RALYL: variants seen among roughly 807,000 people sequenced by gnomAD.
The protein encoded by RALYL is RALY RNA binding protein like.
RALYL carries 29 observed loss-of-function variants against 35.1 expected under a neutral mutation model. The observed-to-expected ratio is 0.83, with a 90% CI of 0.61 to 1.13. The LOEUF is 1.13. Among genes scored for constraint, RALYL ranks in the 50% most tolerant of loss-of-function variants. RALYL has a pLI of 0.00. For synonymous variants in RALYL, 120 were observed against 127.6 expected, an observed-to-expected ratio of 0.94 and a Z score of 0.40; for missense variants, 359 against 360.4, an observed-to-expected ratio of 1.00 and a Z score of 0.03.
At chr8:84,569,329 C>G (rs1305903956) in intron 2 of RALYL, among the ~76,000 whole-genome samples, 4 of 151,808 alleles carry the variant, frequency 2.6e-5, no homozygotes, top group Admixed American at 6.6e-5. Flanking sequence ...TCTTGTTTTT[C>G]TCAGGTTTGT....
chr8:84,495,156 A>C (rs1047990241), intron 1 of RALYL, among the ~76,000 whole-genome samples: 1 of 152,108 alleles, frequency 6.6e-6, no homozygotes, highest in African/African-American at 2.4e-5. Flanking sequence ...TGAGATAATC[A>C]TGTGGTTTTT....
intron 1 of RALYL, among the ~76,000 whole-genome samples, chr8:84,260,286 A>C (rs1832009366): frequency 6.6e-6 from 1 of 152,300 alleles, no homozygotes; most frequent in South Asian, 2.1e-4. Flanking sequence ...TTAGTGGCTT[A>C]ACACACTGGC....
chr8:84,211,083 TA>T (rs1240845781), intron 1 of RALYL, among the ~76,000 whole-genome samples: 5 of 152,138 alleles, frequency 3.3e-5, no homozygotes, highest in African/African-American at 9.6e-5. Context: ...TCACTGTCTT[TA>T]TATAATCCCT....
chr8:84,321,718 C>A (rs1844847909), intron 1 of RALYL, among the ~76,000 whole-genome samples: 1 of 152,088 alleles, frequency 6.6e-6, no homozygotes, highest in Non-Finnish European at 1.5e-5. Context: ...GAGATTTAAC[C>A]ATAAGGTAGT....
At chr8:84,384,892 AT>A (rs1858848046) in intron 1 of RALYL, among the ~76,000 whole-genome samples, 1 of 151,788 alleles carries the variant, frequency 6.6e-6, no homozygotes, top group African/African-American at 2.4e-5. Flanking sequence ...AGTTCTAGTT[AT>A]TTTTAAGGCT....
intron 1 of RALYL, among the ~76,000 whole-genome samples, chr8:84,293,057 T>A (rs1390312960): frequency 6.6e-6 from 1 of 152,138 alleles, no homozygotes; most frequent in Non-Finnish European, 1.5e-5. Context: ...AGTATTACAT[T>A]TGAATATGTA....
intron 1 of RALYL, among the ~76,000 whole-genome samples, chr8:84,498,752 A>T (rs1048271337): frequency 6.6e-6 from 1 of 152,204 alleles, no homozygotes; most frequent in Non-Finnish European, 1.5e-5. Flanking sequence ...TTTTCAACAG[A>T]TGACTCTTAT....
In RALYL at chr8:84,607,450, C is replaced by T. The variant is rs74508377; in HGVS notation, c.256+77873C>T. On this transcript the variant is annotated intron_variant, in intron 2 of 8. Transcript: ENST00000521268. ...AAATCAGCAAAATATTTAGCAAAAT[C>T]GTAATTCAAAATGAAGGAACCTTTG... Among the ~76,000 whole-genome samples the T allele has an allele frequency of 1.2e-3, 186 of 152,192 alleles. 1 individual carries two copies. Among genetic ancestry groups the T allele is most frequent in the African/African-American group, 4.1e-3 (172 of 41,534 alleles).
At chr8:84,305,395 G>C (rs1314720812) in intron 1 of RALYL, among the ~76,000 whole-genome samples, 1 of 152,098 alleles carries the variant, frequency 6.6e-6, no homozygotes, top group East Asian at 1.9e-4. Flanking sequence ...GAAACAATAT[G>C]TTCAGGAATT....
At chr8:84,342,824 A>G (rs1024464507) in intron 1 of RALYL, among the ~76,000 whole-genome samples, 1 of 152,024 alleles carries the variant, frequency 6.6e-6, no homozygotes. Flanking sequence ...AGGTGATGTA[A>G]ACTGTCTGTA....
intron 4 of RALYL, among the ~76,000 whole-genome samples, chr8:84,806,244 C>T (rs553442062): frequency 6.6e-6 from 1 of 152,176 alleles, no homozygotes; most frequent in East Asian, 1.9e-4. Flanking sequence ...TCGAGTTGGT[C>T]TGGCCCAAAA....
intron 4 of RALYL, among the ~76,000 whole-genome samples, chr8:84,817,683 T>C (rs996063331): frequency 3.3e-5 from 5 of 151,964 alleles, no homozygotes; most frequent in Admixed American, 6.6e-5. Flanking sequence ...GCTTCCCAAG[T>C]AGCTGGAACT....
At chr8:84,321,789 A>G (rs1158662253) in intron 1 of RALYL, among the ~76,000 whole-genome samples, 3 of 152,262 alleles carry the variant, frequency 2.0e-5, no homozygotes, top group Middle Eastern at 3.4e-3. Context: ...ATAATAATAA[A>G]TTACAGCTGA....
chr8:84,212,717 A>C (rs370185335), intron 1 of RALYL, among the ~76,000 whole-genome samples: 1 of 152,148 alleles, frequency 6.6e-6, no homozygotes, highest in East Asian at 1.9e-4. Context: ...CAAGACTGAT[A>C]ATTTCAATAT....
intron 2 of RALYL, among the ~76,000 whole-genome samples, chr8:84,602,916 C>T (rs1328035303): frequency 1.3e-5 from 2 of 152,036 alleles, no homozygotes; most frequent in Non-Finnish European, 2.9e-5. Context: ...ATTACATCAT[C>T]TGTGAAGGTC....
intron 1 of RALYL, among the ~76,000 whole-genome samples, chr8:84,224,170 G>A (rs1331839525): frequency 1.3e-5 from 2 of 152,122 alleles, no homozygotes; most frequent in Non-Finnish European, 1.5e-5. Context: ...GGGGCAAAAT[G>A]GTCATATGCT....
At chr8:84,208,122 C>T (rs532384802) in intron 1 of RALYL, among the ~76,000 whole-genome samples, 2 of 152,168 alleles carry the variant, frequency 1.3e-5, no homozygotes, top group East Asian at 3.9e-4. Context: ...GTTTGGTACA[C>T]ATATCGGATT....
intron 8 of RALYL, among the ~76,000 whole-genome samples, chr8:84,890,141 A>G (rs1563817007): frequency 6.6e-6 from 1 of 152,164 alleles, no homozygotes; most frequent in African/African-American, 2.4e-5. Flanking sequence ...TTGTGATGAG[A>G]TTAGGTGAAG....
At chr8:84,810,290 G>A (rs1309088925) in intron 4 of RALYL, among the ~76,000 whole-genome samples, 5 of 152,060 alleles carry the variant, frequency 3.3e-5, no homozygotes, top group Non-Finnish European at 7.4e-5. Flanking sequence ...TATTTGCAAG[G>A]TTTTGAAGAT....
Sources: gnomAD v4.1 joint callset for allele counts (sites outside exome capture counted in the v4.1 genomes callset) on GRCh38, gnomAD v4.1.1 for gene constraint, MANE v1.5 for transcripts, NCBI Gene and HGNC (gene_info 2026-07-23, HGNC 2026-07-21) for gene names.